Variants in MECOM observed in about 807,000 individuals in gnomAD.
The protein encoded by MECOM is histone-lysine N-methyltransferase MECOM.
Under a neutral mutation model 116.3 loss-of-function variants are expected in MECOM, and 13 were observed. The observed-to-expected ratio is 0.11, with a 90% confidence interval of 0.07 to 0.18. MECOM has a LOEUF of 0.18. Ranked by LOEUF, MECOM falls within the 10% of genes least tolerant of loss-of-function variation. The probability of loss-of-function intolerance (pLI) is 1.00; values close to 1 mark genes in which losing one functional copy is unlikely to be tolerated. For missense variants in MECOM, 1,299 were observed against 1,509.0 expected (o/e 0.86, Z 2.31); for synonymous variants, 528 against 535.2 (o/e 0.99, Z 0.19).
intron 2 of MECOM, among the ~76,000 whole-genome samples, chr3:169,307,392 A>T (rs969804974): frequency 7.2e-5 from 11 of 152,058 alleles, no homozygotes; most frequent in Non-Finnish European, 1.5e-4. Flanking sequence ...GACCAGCCTG[A>T]ACAATAAGGT....
intron 2 of MECOM, among the ~76,000 whole-genome samples, chr3:169,297,628 T>C (rs1389317452): frequency 6.6e-6 from 1 of 151,572 alleles, no homozygotes; most frequent in African/African-American, 2.4e-5. Context: ...CTGCTGGTAA[T>C]TATTAAAAAA....
intron 2 of MECOM, among the ~76,000 whole-genome samples, chr3:169,188,845 G>T (rs1747113933): frequency 6.6e-6 from 1 of 152,048 alleles, no homozygotes; most frequent in Admixed American, 6.6e-5. Context: ...AAACCAAGCT[G>T]CTGCAAGTTG....
At chr3:169,550,855 G>A (rs989309908) in intron 1 of MECOM, among the ~76,000 whole-genome samples, 1 of 75,344 alleles carries the variant, frequency 1.3e-5, no homozygotes, top group African/African-American at 4.4e-5. Flanking sequence ...ACGGAGTCTC[G>A]CTCTGTCGCC....
intron 2 of MECOM, among the ~76,000 whole-genome samples, chr3:169,356,542 G>A (rs544264770): frequency 1.1e-3 from 165 of 151,996 alleles, no homozygotes; most frequent in African/African-American, 3.9e-3. Context: ...AGACAAAAAA[G>A]TGGGCCCTGC....
intron 2 of MECOM, among the ~76,000 whole-genome samples, chr3:169,174,621 G>A (rs1238486548): frequency 6.6e-6 from 1 of 152,014 alleles, no homozygotes; most frequent in Non-Finnish European, 1.5e-5. Flanking sequence ...GTTAATGCAG[G>A]GATTTTATTG....
At chr3:169,442,070 C>A (rs1395671117) in intron 1 of MECOM, among the ~76,000 whole-genome samples, 1 of 152,146 alleles carries the variant, frequency 6.6e-6, no homozygotes, top group Non-Finnish European at 1.5e-5. Flanking sequence ...GGATTACAGG[C>A]ACATGCCACC....
chr3:169,365,811 C>T (rs1729061662), intron 2 of MECOM, among the ~76,000 whole-genome samples: 1 of 151,952 alleles, frequency 6.6e-6, no homozygotes, highest in African/African-American at 2.4e-5. Context: ...GTAAAAACAA[C>T]ATCAAATAAA....
intron 12 of MECOM, among the ~76,000 whole-genome samples, chr3:169,097,336 G>C (rs560680248): frequency 1.3e-5 from 2 of 151,802 alleles, no homozygotes; most frequent in Non-Finnish European, 2.9e-5. Flanking sequence ...CTAAAGTCTT[G>C]GCCAGAAAAA....
At chr3:169,321,865 A>G (rs1197931335) in intron 2 of MECOM, among the ~76,000 whole-genome samples, 1 of 152,232 alleles carries the variant, frequency 6.6e-6, no homozygotes, top group African/African-American at 2.4e-5. Flanking sequence ...GACACTACTC[A>G]TGGTTGCTGT....
intron 1 of MECOM, among the ~76,000 whole-genome samples, chr3:169,646,454 A>C (rs1197797379): frequency 6.6e-6 from 1 of 152,098 alleles, no homozygotes; most frequent in Non-Finnish European, 1.5e-5. Flanking sequence ...CTAGAACTTA[A>C]AGTATAATAA....
chr3:169,609,069 G>A (rs760015129), intron 1 of MECOM, among the ~76,000 whole-genome samples: 5 of 152,078 alleles, frequency 3.3e-5, no homozygotes, highest in Non-Finnish European at 5.9e-5. Context: ...TGACCTTATC[G>A]ACACAGGAAT....
At chr3:169,110,975 C>T (rs1257930639) in intron 9 of MECOM, among the ~76,000 whole-genome samples, 1 of 152,160 alleles carries the variant, frequency 6.6e-6, no homozygotes, top group Non-Finnish European at 1.5e-5. Flanking sequence ...TAAAATATAA[C>T]ATATTTGCTC....
At chr3:169,562,340 T>C (rs897438272) in intron 1 of MECOM, among the ~76,000 whole-genome samples, 1 of 152,058 alleles carries the variant, frequency 6.6e-6, no homozygotes, top group Non-Finnish European at 1.5e-5. Context: ...TCATAGAGGA[T>C]GATCTAGGTA....
intron 2 of MECOM, among the ~76,000 whole-genome samples, chr3:169,154,823 A>G (rs1046855683): frequency 2.0e-5 from 3 of 152,126 alleles, no homozygotes; most frequent in Non-Finnish European, 4.4e-5. Context: ...CCTATAATTT[A>G]TTTTGCCTTG....
At chr3:169,448,255 C>T (rs138976655) in intron 1 of MECOM, among the ~76,000 whole-genome samples, 4 of 152,248 alleles carry the variant, frequency 2.6e-5, no homozygotes, top group East Asian at 1.9e-4. Context: ...AAATGCCACT[C>T]GTGTTATACG....
At chr3:169,568,155 G>A (rs1403193207) in intron 1 of MECOM, among the ~76,000 whole-genome samples, 1 of 152,128 alleles carries the variant, frequency 6.6e-6, no homozygotes, top group African/African-American at 2.4e-5. Context: ...GAAGCCATGA[G>A]GGACCCTGCC....
At chr3:169,557,994 T>C (rs1051849575) in intron 1 of MECOM, among the ~76,000 whole-genome samples, 2 of 152,214 alleles carry the variant, frequency 1.3e-5, no homozygotes, top group African/African-American at 2.4e-5. Context: ...CATAAGCTGG[T>C]CATACAAATA....
chr3:169,519,836 C>T (rs897343972), intron 1 of MECOM, among the ~76,000 whole-genome samples: 9 of 152,246 alleles, frequency 5.9e-5, no homozygotes, highest in Non-Finnish European at 1.2e-4. Flanking sequence ...AGCCATTTTC[C>T]TTTAGATAAC....
intron 1 of MECOM, among the ~76,000 whole-genome samples, chr3:169,385,540 C>T (rs937218074): frequency 4.6e-5 from 7 of 151,980 alleles, no homozygotes; most frequent in South Asian, 2.1e-4. Context: ...CTGAGTTTTA[C>T]GTATCAAAAC....
Sources: gnomAD v4.1 joint callset for allele counts (sites outside exome capture counted in the v4.1 genomes callset) on GRCh38, gnomAD v4.1.1 for gene constraint, MANE v1.5 for transcripts, NCBI Gene and HGNC (gene_info 2026-07-23, HGNC 2026-07-21) for gene names.